SASH1: variants seen among roughly 807,000 people sequenced by gnomAD.
The protein encoded by SASH1 is SAM and SH3 domain containing 1, also known as SAM and SH3 domain-containing protein 1.
In SASH1, 44 loss-of-function variants were observed where a neutral mutation model predicts 125.2. The observed-to-expected ratio is 0.35, with a 90% CI of 0.28 to 0.45. The LOEUF is 0.45. SASH1 is among the 20% of genes least tolerant of loss of function. The pLI is 1.00. For missense variants in SASH1, 1,426 were observed against 1,614.5 expected, an observed-to-expected ratio of 0.88 and a Z score of 2.00; for synonymous variants, 639 against 649.1, an observed-to-expected ratio of 0.98 and a Z score of 0.24.
intron 2 of SASH1, among the ~76,000 whole-genome samples, chr6:148,395,431 C>G (rs1783909207): frequency 6.6e-6 from 1 of 152,176 alleles, no homozygotes; most frequent in Admixed American, 6.5e-5. Flanking sequence ...ATGTCAAGCT[C>G]TTTCTCTAGG....
At chr6:148,479,992 T>C (rs1778541790) in intron 7 of SASH1, 1 of 153,280 alleles carries the variant, frequency 6.5e-6, no homozygotes, top group African/African-American at 2.4e-5. Flanking sequence ...AAACACTTCA[T>C]GAAAAATGTT....
chr6:148,324,933 G>A (rs1780756101), intron 1 of SASH1, among the ~76,000 whole-genome samples: 2 of 152,142 alleles, frequency 1.3e-5, no homozygotes, highest in Admixed American at 1.3e-4. Context: ...CAGTGCTGTG[G>A]GATGATGGTG....
upstream of SASH1, among the ~76,000 whole-genome samples, chr6:148,339,014 A>AAC (rs1359152031): frequency 1.3e-5 from 2 of 150,160 alleles, no homozygotes; most frequent in African/African-American, 4.9e-5. Context: ...TAAAAAAAAA[A>AAC]AAAAAAAAAA....
At chr6:148,311,025 G>A (rs546838308) in intron 1 of SASH1, among the ~76,000 whole-genome samples, 3 of 152,006 alleles carry the variant, frequency 2.0e-5, no homozygotes, top group South Asian at 2.1e-4. Flanking sequence ...GTGATCCTCC[G>A]GCCTCAGCCT....
Position 148,533,697 on chromosome 6 carries a change from G to GTATCTGACAGATTCTTGATT in SASH1, c.1735-72_1735-53dup. 2 of 1,387,726 alleles carry GTATCTGACAGATTCTTGATT rather than the reference G, an allele frequency of 1.4e-6. No individual in the cohort carries two copies. The highest frequency in any genetic ancestry group is 2.0e-6 in the Non-Finnish European group (2 of 994,582). 86.0% of individuals were successfully genotyped at this position (1,387,726 alleles called of 1,614,324 possible). A position where few individuals can be genotyped will look rare whatever the true frequency, so the allele number is the denominator to read the frequency against. ...GCATCTTCACTTCTGCATGACCTGTGTATCTGACAGATTCTTGATTTGTAC... is the reference window on the plus strand; with the variant it reads ...GCATCTTCACTTCTGCATGACCTGTGTATCTGACAGATTCTTGATTTATCTGACAGATTCTTGATTTGTAC... On this transcript the variant is annotated intron_variant, in intron 14 of 19. Transcript: ENST00000367467. The surrounding 1 kb of genome is among the most constrained non-coding windows in gnomAD (Gnocchi z 6.2).
chr6:148,216,190 T>C, the SASH1 span, among the ~76,000 whole-genome samples: 3 of 152,186 alleles, frequency 2.0e-5, no homozygotes, highest in Non-Finnish European at 4.4e-5. Context: ...TACCTTCTAA[T>C]ATGTAACAGT....
intron 7 of SASH1, among the ~76,000 whole-genome samples, chr6:148,487,260 A>G (rs963336806): frequency 6.6e-6 from 1 of 151,608 alleles, no homozygotes; most frequent in Non-Finnish European, 1.5e-5. Flanking sequence ...AATTACAGAC[A>G]ATTTCTTTAT....
chr6:148,349,812 T>A (rs531667761), intron 1 of SASH1, among the ~76,000 whole-genome samples: 1 of 152,264 alleles, frequency 6.6e-6, no homozygotes, highest in South Asian at 2.1e-4. Context: ...ATGCAAGACA[T>A]TTTAGAGATG....
At chr6:148,435,968 C>T (rs574437360) in intron 2 of SASH1, among the ~76,000 whole-genome samples, 17 of 152,284 alleles carry the variant, frequency 1.1e-4, no homozygotes, top group Admixed American at 7.8e-4. Context: ...GTAAAAGCCA[C>T]GAGATAATCC....
upstream of SASH1, among the ~76,000 whole-genome samples, chr6:148,271,963 T>C (rs1779073111): frequency 6.6e-6 from 1 of 152,190 alleles, no homozygotes; most frequent in Non-Finnish European, 1.5e-5. Flanking sequence ...TGGATCACTG[T>C]TGTATGTTAG....
chr6:148,498,480 CTA>C (rs1052272379), intron 8 of SASH1, among the ~76,000 whole-genome samples: 1 of 151,624 alleles, frequency 6.6e-6, no homozygotes, highest in African/African-American at 2.4e-5. Context: ...AACCCAGATA[CTA>C]TATAATCTGA....
intron 1 of SASH1, among the ~76,000 whole-genome samples, chr6:148,360,426 C>A (rs1782144625): frequency 6.6e-6 from 1 of 150,904 alleles, no homozygotes; most frequent in Non-Finnish European, 1.5e-5. Context: ...TGGCTCACTG[C>A]AACCTCCACC....
At chr6:148,337,500 A>G (rs936930362) in intron 1 of SASH1, among the ~76,000 whole-genome samples, 1 of 152,126 alleles carries the variant, frequency 6.6e-6, no homozygotes, top group African/African-American at 2.4e-5. Context: ...GTGGGATTAC[A>G]GGCGTGAGCC....
intron 2 of SASH1, among the ~76,000 whole-genome samples, chr6:148,399,877 AG>A (rs1237503984): frequency 1.3e-5 from 2 of 152,240 alleles, no homozygotes; most frequent in African/African-American, 4.8e-5. Flanking sequence ...GGCCCAGGCC[AG>A]GTGCCTTTTT....
chr6:148,477,781 T>TC (rs71004301), intron 7 of SASH1, among the ~76,000 whole-genome samples: 60,291 of 145,512 alleles, frequency 0.41, 13,301 homozygotes, highest in East Asian at 0.65. Flanking sequence ...CAGTGCAACC[T>TC]CCACCTCCCA....
intron 17 of SASH1, among the ~76,000 whole-genome samples, chr6:148,542,419 C>T (rs1209475509): frequency 1.3e-5 from 2 of 152,118 alleles, no homozygotes; most frequent in Non-Finnish European, 2.9e-5. Context: ...CGGAGTCTCG[C>T]TCTGTCGCCC....
chr6:148,214,505 A>G, the SASH1 span, among the ~76,000 whole-genome samples: 2 of 152,194 alleles, frequency 1.3e-5, no homozygotes, highest in Non-Finnish European at 2.9e-5. Flanking sequence ...AGGAGCTTCA[A>G]GTATTAATTG....
chr6:148,326,350 A>T (rs1429031016), intron 1 of SASH1, among the ~76,000 whole-genome samples: 1 of 84,384 alleles, frequency 1.2e-5, no homozygotes, highest in African/African-American at 4.7e-5. Flanking sequence ...ATATATATAT[A>T]TATATATGCA....
chr6:148,514,093 C>G, intron 8 of SASH1: 10 of 1,250,314 alleles, frequency 8.0e-6, no homozygotes, highest in Non-Finnish European at 1.0e-5. Flanking sequence ...CCCACTTGCC[C>G]TTGAGGGCAA....
Sources: allele counts gnomAD v4.1 joint callset (sites outside exome capture counted in the v4.1 genomes callset), GRCh38; gene constraint gnomAD v4.1.1; non-coding constraint Gnocchi (gnomAD v3.1); transcripts MANE v1.5; gene names NCBI Gene and HGNC (gene_info 2026-07-23, HGNC 2026-07-21).